Variants in USH2A observed in about 807,000 individuals in gnomAD.
USH2A encodes usherin.
USH2A carries 443 observed loss-of-function variants against 538.9 expected under a neutral mutation model. The ratio of observed to expected loss-of-function variants is 0.82; its 90% CI spans 0.76 to 0.89. The LOEUF (loss-of-function observed/expected upper bound fraction) is 0.89. USH2A is among the 40% of genes least tolerant of loss of function. USH2A has a pLI of 0.00. For missense variants in USH2A, 6,633 were observed against 6,324.8 expected, an observed-to-expected ratio of 1.05 and a Z score of -1.65; for synonymous variants, 2,413 against 2,273.5, an observed-to-expected ratio of 1.06 and a Z score of -1.75.
intron 44 of USH2A, among the ~76,000 whole-genome samples, chr1:215,846,905 G>A (rs1663865504): frequency 1.3e-5 from 2 of 152,110 alleles, no homozygotes; most frequent in African/African-American, 4.8e-5. Flanking sequence ...ATGTAGCAGG[G>A]CTACATAGCA....
chr1:215,725,547 C>G (rs966249984), intron 61 of USH2A, among the ~76,000 whole-genome samples: 2 of 152,124 alleles, frequency 1.3e-5, no homozygotes, highest in African/African-American at 4.8e-5. Context: ...CAGGTGGGAC[C>G]TTTCTTGGTG....
chr1:215,662,243 C>G (rs1433352009), intron 64 of USH2A, among the ~76,000 whole-genome samples: 1 of 152,142 alleles, frequency 6.6e-6, no homozygotes, highest in Non-Finnish European at 1.5e-5. Context: ...TGAGGGCAGG[C>G]TGGAATGGCA....
intron 19 of USH2A, chr1:216,194,002 T>G (rs1327549273): frequency 3.9e-5 from 6 of 152,188 alleles, no homozygotes; most frequent in African/African-American, 1.4e-4. Flanking sequence ...ACAGTTCAGC[T>G]TCTTTGCTGC....
At chr1:215,752,221 TAATAA>T (rs1297530912) in intron 58 of USH2A, among the ~76,000 whole-genome samples, 1 of 152,180 alleles carries the variant, frequency 6.6e-6, no homozygotes, top group Non-Finnish European at 1.5e-5. Context: ...TTTGACTGCA[TAATAA>T]ATTGTGGAGG....
intron 9 of USH2A, among the ~76,000 whole-genome samples, chr1:216,293,667 C>T (rs371824574): frequency 6.6e-5 from 10 of 152,140 alleles, no homozygotes; most frequent in African/African-American, 2.4e-4. Flanking sequence ...CTGTCCAATT[C>T]CTCTTCTTTT....
intron 55 of USH2A, among the ~76,000 whole-genome samples, chr1:215,774,863 G>C (rs1661413731): frequency 1.3e-5 from 2 of 149,494 alleles, no homozygotes; most frequent in East Asian, 3.9e-4. Context: ...CAATAGGCAG[G>C]TTTTAAAACA....
chr1:215,777,920 C>A (rs1229539605), intron 55 of USH2A, among the ~76,000 whole-genome samples: 2 of 152,126 alleles, frequency 1.3e-5, no homozygotes, highest in Non-Finnish European at 2.9e-5. Flanking sequence ...TGATAAAGCA[C>A]CACATAGAAG....
At chr1:215,742,462 T>A (rs528502910) in intron 59 of USH2A, among the ~76,000 whole-genome samples, 2 of 145,636 alleles carry the variant, frequency 1.4e-5, no homozygotes, top group Non-Finnish European at 3.0e-5. Context: ...ACATATATCA[T>A]GTTATATATG....
chr1:216,037,341 T>C (rs986992779), intron 32 of USH2A, among the ~76,000 whole-genome samples: 5 of 152,140 alleles, frequency 3.3e-5, no homozygotes, highest in African/African-American at 7.2e-5. Context: ...AACACTGTCA[T>C]CATTAGCAGA....
intron 41 of USH2A, among the ~76,000 whole-genome samples, chr1:215,882,674 T>C (rs1571777455): frequency 6.6e-6 from 1 of 152,232 alleles, no homozygotes; most frequent in East Asian, 1.9e-4. Flanking sequence ...CCTAGGTCTC[T>C]CTCTCTTTCT....
chr1:215,909,040 C>T (rs934404909), intron 38 of USH2A, among the ~76,000 whole-genome samples: 1 of 149,640 alleles, frequency 6.7e-6, no homozygotes, highest in Admixed American at 6.7e-5. Flanking sequence ...ATCTACATGT[C>T]ATATAATTTG....
chr1:216,114,828 T>C (rs1178450215), intron 21 of USH2A, among the ~76,000 whole-genome samples: 1 of 152,178 alleles, frequency 6.6e-6, no homozygotes, highest in Non-Finnish European at 1.5e-5. Flanking sequence ...GAATAGCTTT[T>C]TAAACTTAGC....
intron 4 of USH2A, among the ~76,000 whole-genome samples, chr1:216,346,007 C>T (rs2038168893): frequency 6.6e-6 from 1 of 152,036 alleles, no homozygotes; most frequent in African/African-American, 2.4e-5. Flanking sequence ...ACAATGGTGA[C>T]CCAGGTTCAG....
chr1:215,983,308 A>G (rs1216014205), intron 35 of USH2A, among the ~76,000 whole-genome samples: 1 of 152,194 alleles, frequency 6.6e-6, no homozygotes, highest in Non-Finnish European at 1.5e-5. Flanking sequence ...TACTTCATCA[A>G]GAGGAAGATG....
chr1:215,971,550 G>T (rs1300794814), intron 35 of USH2A, among the ~76,000 whole-genome samples: 1 of 152,082 alleles, frequency 6.6e-6, no homozygotes, highest in Non-Finnish European at 1.5e-5. Flanking sequence ...GAGCCCCAAA[G>T]TTCAAGACCA....
chr1:216,271,476 A>G (rs1055889265), intron 11 of USH2A, among the ~76,000 whole-genome samples: 6 of 152,100 alleles, frequency 3.9e-5, no homozygotes, highest in Non-Finnish European at 8.8e-5. Flanking sequence ...TCTGCAAATA[A>G]TAATAGTCTT....
At chr1:215,696,972 A>G (rs745813687) in intron 61 of USH2A, among the ~76,000 whole-genome samples, 9 of 151,610 alleles carry the variant, frequency 5.9e-5, no homozygotes, top group Non-Finnish European at 1.0e-4. Flanking sequence ...TTGTTTTTTG[A>G]GACAGGGTCT....
chr1:216,069,542 C>T (rs768114694), intron 30 of USH2A, among the ~76,000 whole-genome samples: 24 of 152,062 alleles, frequency 1.6e-4, no homozygotes, highest in Non-Finnish European at 2.1e-4. Context: ...TTAATACACA[C>T]GCATGAATTT....
At chr1:215,634,770 G>A (rs1656423116) in intron 69 of USH2A, 67 bp from the exon 70 acceptor site, 1 of 1,612,270 alleles carries the variant, frequency 6.2e-7, no homozygotes, top group Admixed American at 1.7e-5. Flanking sequence ...CTCTGGCCCT[G>A]CTATTTGATA....
Sources: allele counts gnomAD v4.1 joint callset (sites outside exome capture counted in the v4.1 genomes callset), GRCh38; gene constraint gnomAD v4.1.1; transcripts MANE v1.5; gene names NCBI Gene and HGNC (gene_info 2026-07-23, HGNC 2026-07-21).